The following CNTN4 variants were observed in gnomAD, a reference collection of about 807,000 sequenced individuals.
The protein encoded by CNTN4 is contactin 4, also known as contactin-4.
A neutral mutation model predicts 122.5 loss-of-function variants in CNTN4; 77 were observed. That is an observed-to-expected ratio of 0.63 (90% confidence interval 0.52 to 0.76). The LOEUF (loss-of-function observed/expected upper bound fraction) is 0.76, where lower values mean the gene tolerates loss of function less well. CNTN4 is among the 30% of genes least tolerant of loss of function. The pLI, the probability that CNTN4 is intolerant of heterozygous loss-of-function variation, is 0.00. For missense variants in CNTN4, 1,256 were observed against 1,259.1 expected (o/e 1.00, Z 0.04); for synonymous variants, 512 against 447.0 (o/e 1.15, Z -1.83).
chr3:2,798,756 C>G (rs2092274266), intron 6 of CNTN4, among the ~76,000 whole-genome samples: 2 of 152,130 alleles, frequency 1.3e-5, no homozygotes, highest in African/African-American at 4.8e-5. Context: ...AGTACTGCAC[C>G]CACCTCAACC....
chr3:2,185,278 G>C (rs1387276847), intron 2 of CNTN4, among the ~76,000 whole-genome samples: 2 of 152,112 alleles, frequency 1.3e-5, no homozygotes, highest in African/African-American at 4.8e-5. Flanking sequence ...GGGACACATT[G>C]CTCACCACGG....
intron 3 of CNTN4, among the ~76,000 whole-genome samples, chr3:2,551,205 C>T (rs530329568): frequency 1.9e-4 from 29 of 152,076 alleles, no homozygotes; most frequent in African/African-American, 7.0e-4. Flanking sequence ...TCCTTCAGAA[C>T]CAGAGAAAGG....
chr3:2,904,494 G>C (rs1021729255), intron 12 of CNTN4, among the ~76,000 whole-genome samples: 1 of 152,186 alleles, frequency 6.6e-6, no homozygotes, highest in Non-Finnish European at 1.5e-5. Flanking sequence ...CATGGGGATG[G>C]AGCCTTTTTC....
chr3:2,609,918 A>G (rs1361618878), intron 4 of CNTN4, among the ~76,000 whole-genome samples: 2 of 152,118 alleles, frequency 1.3e-5, no homozygotes, highest in African/African-American at 4.8e-5. Flanking sequence ...ATAAAACTTT[A>G]TTTTCTTCAC....
chr3:2,215,221 T>G lies in CNTN4; in HGVS notation c.-145+114582T>G, dbSNP rs17010423. ...AAAAAATGTATAGTATTTGGTGGTG[T>G]TAACATATATTTAAATGACATGCTA... On this transcript the variant is annotated intron_variant, in intron 2 of 24. Transcript: ENST00000418658. Among the ~76,000 whole-genome samples, 743 of 152,350 alleles carry G rather than the reference T, an allele frequency of 4.9e-3. 6 individuals carry two copies. The highest frequency in any genetic ancestry group is 0.017 in the African/African-American group (701 of 41,584).
At chr3:2,368,029 CT>C (rs549023861) in intron 3 of CNTN4, among the ~76,000 whole-genome samples, 6,414 of 109,690 alleles carry the variant, frequency 0.058, 353 homozygotes, top group African/African-American at 0.22. Flanking sequence ...TAGAAAACTT[CT>C]TTTTTTTTTT....
intron 6 of CNTN4, among the ~76,000 whole-genome samples, chr3:2,777,234 G>A (rs2091359183): frequency 1.3e-5 from 2 of 152,120 alleles, no homozygotes; most frequent in Admixed American, 6.6e-5. Flanking sequence ...TATAACCCAT[G>A]ATTAATACCC....
At chr3:2,962,542 C>G (rs1442704033) in intron 13 of CNTN4, among the ~76,000 whole-genome samples, 1 of 152,196 alleles carries the variant, frequency 6.6e-6, no homozygotes, top group African/African-American at 2.4e-5. Flanking sequence ...AGGTGTCCCT[C>G]TGGGATTAGG....
At chr3:2,449,614 CAAAAA>C (rs34181793) in intron 3 of CNTN4, among the ~76,000 whole-genome samples, 151 of 126,012 alleles carry the variant, frequency 1.2e-3, no homozygotes, top group African/African-American at 2.0e-3. Flanking sequence ...GACTCCATCT[CAAAAA>C]AAAAAAAAAA....
Position 2,440,482 on chromosome 3 carries a change from A to G in CNTN4, c.-89+101249A>G, listed in dbSNP as rs1159638787. ...TGAGCAGATAATTTGTGAATTGCTC[A>G]TAATTCTCAAGAGTTCCAGTTCCTC... On this transcript the variant is annotated intron_variant, in intron 3 of 24. Coordinates refer to ENST00000418658, the MANE Select transcript of CNTN4 (RefSeq NM_175607.3). 2.0e-5 allele frequency among the ~76,000 whole-genome samples: 3 copies of G among 152,186 alleles called. No individual in the cohort carries two copies. In the East Asian group the frequency reaches 5.8e-4, roughly 29 times the overall value.
At chr3:2,233,126 C>G (rs942572010) in intron 2 of CNTN4, among the ~76,000 whole-genome samples, 1 of 151,230 alleles carries the variant, frequency 6.6e-6, no homozygotes, top group Non-Finnish European at 1.5e-5. Flanking sequence ...TAATGGGGGT[C>G]AGACTGAACT....
intron 7 of CNTN4, among the ~76,000 whole-genome samples, chr3:2,848,757 T>C (rs2093497781): frequency 1.3e-5 from 2 of 152,214 alleles, no homozygotes; most frequent in South Asian, 4.1e-4. Context: ...TAGCAAAAGC[T>C]TCAAAATTGG....
chr3:2,236,133 C>T (rs1490219749), intron 2 of CNTN4, among the ~76,000 whole-genome samples: 2 of 152,208 alleles, frequency 1.3e-5, no homozygotes, highest in East Asian at 3.9e-4. Flanking sequence ...TGTGTAGCAG[C>T]AACATAATCA....
intron 4 of CNTN4, among the ~76,000 whole-genome samples, chr3:2,726,700 G>A (rs2088250379): frequency 6.6e-6 from 1 of 152,178 alleles, no homozygotes; most frequent in African/African-American, 2.4e-5. Flanking sequence ...TTGCTGCAGT[G>A]GAGCGCTGGG....
At chr3:2,109,782 T>A (rs1221683396) in intron 2 of CNTN4, among the ~76,000 whole-genome samples, 1 of 152,234 alleles carries the variant, frequency 6.6e-6, no homozygotes, top group Non-Finnish European at 1.5e-5. Flanking sequence ...TTGTCTTTAG[T>A]CACTCATTTG....
chr3:3,049,853 T>C (rs1480584425), intron 23 of CNTN4, among the ~76,000 whole-genome samples: 2 of 152,204 alleles, frequency 1.3e-5, no homozygotes, highest in Non-Finnish European at 2.9e-5. Context: ...GAGTTTGTGA[T>C]TGTTCAGAAT....
intron 6 of CNTN4, among the ~76,000 whole-genome samples, chr3:2,817,882 T>G (rs2092773391): frequency 6.6e-6 from 1 of 152,238 alleles, no homozygotes; most frequent in Non-Finnish European, 1.5e-5. Flanking sequence ...TAATTCCTTT[T>G]GAAGGAATCT....
chr3:2,365,045 G>A (rs764662171), intron 3 of CNTN4, among the ~76,000 whole-genome samples: 1 of 152,134 alleles, frequency 6.6e-6, no homozygotes, highest in Admixed American at 6.5e-5. Flanking sequence ...GGTAACTTAA[G>A]TACGTTTCTA....
At chr3:2,468,772 G>A (rs2075590805) in intron 3 of CNTN4, among the ~76,000 whole-genome samples, 1 of 151,872 alleles carries the variant, frequency 6.6e-6, no homozygotes, top group African/African-American at 2.4e-5. Context: ...TCAAGGTATG[G>A]TCTCAAAATG....
Sources: allele counts gnomAD v4.1 joint callset (sites outside exome capture counted in the v4.1 genomes callset), GRCh38; gene constraint gnomAD v4.1.1; transcripts MANE v1.5; gene names NCBI Gene and HGNC (gene_info 2026-07-23, HGNC 2026-07-21).